Variants in DDIAS observed in about 807,000 individuals in gnomAD.
The protein encoded by DDIAS is DNA damage induced apoptosis suppressor, also known as DNA damage-induced apoptosis suppressor protein.
DDIAS carries 14 observed loss-of-function variants against 15.7 expected under a neutral mutation model. The ratio of observed to expected loss-of-function variants is 0.89; its 90% CI spans 0.59 to 1.39. The LOEUF is 1.39. Among genes scored for constraint, DDIAS ranks in the 40% most tolerant of loss-of-function variants. The probability of loss-of-function intolerance (pLI) is 0.00; values close to 1 mark genes in which losing one functional copy is unlikely to be tolerated. For missense variants in DDIAS, 1,035 were observed against 1,130.9 expected (o/e 0.92, Z 1.22); for synonymous variants, 355 against 395.9 (o/e 0.90, Z 1.23).
At chr11:82,928,103 T>C (rs112716088) in intron 3 of DDIAS, among the ~76,000 whole-genome samples, 1,979 of 151,384 alleles carry the variant, frequency 0.013, 34 homozygotes, top group African/African-American at 0.045. Flanking sequence ...TAATTTTCAT[T>C]ATGGTGAGAA....
chr11:82,921,571 C>CT (rs968751055), intron 3 of DDIAS, among the ~76,000 whole-genome samples: 811 of 78,068 alleles, frequency 0.01, 4 homozygotes, highest in East Asian at 0.012. Flanking sequence ...TTCTTTCTTT[C>CT]TTTTTTTTTT....
At chr11:82,909,137 G>C (rs985824177) in intron 1 of DDIAS, 4 of 152,178 alleles carry the variant, frequency 2.6e-5, no homozygotes, top group African/African-American at 9.7e-5. Flanking sequence ...AGCCCCGAGG[G>C]CTGCTGGCTG....
chr11:82,928,177 C>CT (rs541845327), intron 3 of DDIAS, among the ~76,000 whole-genome samples: 365 of 34,194 alleles, frequency 0.011, 122 homozygotes, highest in Non-Finnish European at 0.016. Flanking sequence ...TTTTTGTCCT[C>CT]TTTTTTTTTT....
chr11:82,902,433 GCTA>G (rs1477908222), intron 1 of DDIAS, among the ~76,000 whole-genome samples: 4 of 141,046 alleles, frequency 2.8e-5, no homozygotes, highest in Admixed American at 1.5e-4. Context: ...TTTCAATCTT[GCTA>G]CCTTCCAGTC....
chr11:82,910,565 C>T (rs1486575911), intron 1 of DDIAS, among the ~76,000 whole-genome samples: 2 of 150,276 alleles, frequency 1.3e-5, no homozygotes, highest in African/African-American at 2.5e-5. Context: ...GCTACCACAC[C>T]CTGCCACAGA....
At chr11:82,902,970 A>C (rs568236922) in intron 1 of DDIAS, among the ~76,000 whole-genome samples, 2 of 152,358 alleles carry the variant, frequency 1.3e-5, no homozygotes, top group South Asian at 4.1e-4. Flanking sequence ...TGGTCTAAGA[A>C]GACCTTTCCA....
chr11:82,929,702 T>C (rs1209091130), intron 4 of DDIAS, among the ~76,000 whole-genome samples: 4 of 96,886 alleles, frequency 4.1e-5, no homozygotes, highest in Non-Finnish European at 8.8e-5. Flanking sequence ...AGACTCTGTC[T>C]CAAAAAAAAA....
chr11:82,907,296 T>C (rs534398880), intron 1 of DDIAS, among the ~76,000 whole-genome samples: 110 of 152,198 alleles, frequency 7.2e-4, no homozygotes, highest in Middle Eastern at 3.4e-3. Flanking sequence ...GTTAAGAGAA[T>C]AGGCATTAGG....
chr11:82,913,789 T>C (rs1241585082), intron 2 of DDIAS: 1 of 401,748 alleles, frequency 2.5e-6, no homozygotes, highest in East Asian at 7.4e-5. Context: ...CTGAAATGTT[T>C]GGGTCCAGAA....
rs1359042060 is a variant in DDIAS, at chr11:82,933,313, A to G, written c.1975A>G (p.Asn659Asp). Residue 659 changes from asparagine to aspartate, a missense_variant, in exon 6 of 6, where the codon AAC (asparagine) becomes GAC (aspartate). Coordinates refer to ENST00000533655, the MANE Select transcript of DDIAS (RefSeq NM_145018.4). The part of the protein sequence containing the change: ...LKEMPWGHIN[N>D]NVTQSYSIGY... ...AGAAATGCCTTGGGGACATATCAAT[A>G]ACAACGTAACACAGAGCTATTCTAT... 5 of 1,613,966 alleles carry G rather than the reference A, an allele frequency of 3.1e-6. No individual in the cohort carries two copies.
intron 1 of DDIAS, among the ~76,000 whole-genome samples, chr11:82,905,946 G>A (rs941965521): frequency 3.3e-5 from 5 of 152,124 alleles, no homozygotes; most frequent in Non-Finnish European, 5.9e-5. Flanking sequence ...TTGTTCCCAA[G>A]TGTATCATCA....
At position 82,930,273 on chromosome 11, in the gene DDIAS, C is replaced by A; in HGVS notation, c.392C>A (p.Thr131Lys). The A allele has an allele frequency of 6.6e-7, 1 of 1,522,384 alleles. No individual in the cohort carries two copies. The highest frequency in any genetic ancestry group is 9.0e-7 in the Non-Finnish European group (1 of 1,108,062). The allele number at this position is 1,522,384 out of a possible 1,614,324, so 94.3% of individuals were successfully genotyped here. ...GGACAAAGCTTTATTTTTGGAGTGA[C>A]GGTAATTGAGACTAGCTTTCTTTTT... ...FVGQSFIFGVTNFENQPGQGS... is the reference protein window; with the variant it reads ...FVGQSFIFGVKNFENQPGQGS... The change falls in exon 5 of 6, where the codon ACG becomes AAG. Residue 131 changes from threonine to lysine, a missense_variant and splice_region_variant. Physicochemically the swap from Thr to Lys is moderately conservative, Grantham distance 78 (BLOSUM62 -1). Transcript: ENST00000533655.
At position 82,932,195 on chromosome 11, in the gene DDIAS, G is replaced by T. The variant is rs1861005510; in HGVS notation, c.857G>T (p.Ser286Ile). 6.2e-7 allele frequency: 1 copy of T among 1,614,160 alleles called. No homozygotes were observed. The highest frequency in any genetic ancestry group is 2.2e-5 in the East Asian group (1 of 44,882). Residue 286 changes from serine to isoleucine, a missense_variant, in exon 6 of 6, where the codon AGT (serine) becomes ATT (isoleucine). Coordinates refer to ENST00000533655, the MANE Select transcript of DDIAS (RefSeq NM_145018.4). ...SISIAEATGS[S>I]SCHDPIQDSW... ...TCCATTGCAGAGGCCACTGGTTCCA[G>T]TAGCTGCCATGATCCCATTCAGGAT... is the stretch of plus-strand genomic sequence containing the variant.
chr11:82,932,121 A>G lies in DDIAS; in HGVS notation c.783A>G (p.Ser261=), dbSNP rs760885476. 10 of 1,614,086 alleles carry G rather than the reference A, an allele frequency of 6.2e-6. No individual in the cohort carries two copies. Among genetic ancestry groups the G allele is most frequent in the Non-Finnish European group, 8.5e-6 (10 of 1,180,034 alleles). ...QLTDNDDFSA[S]EQSKAFGTLQ... is the part of the protein sequence containing the mutation. Reference sequence around the variant, plus strand: ...CAGATAATGATGATTTTTCAGCTTCAGAACAAAGTAAGGCCTTTGGTACTC... The same window carrying G: ...CAGATAATGATGATTTTTCAGCTTCGGAACAAAGTAAGGCCTTTGGTACTC... The change falls in exon 6 of 6, where the codon TCA becomes TCG. Residue 261 remains serine, a synonymous_variant. Coordinates refer to ENST00000533655, the MANE Select transcript of DDIAS (RefSeq NM_145018.4).
intron 3 of DDIAS, among the ~76,000 whole-genome samples, chr11:82,915,571 C>T (rs1860615548): frequency 1.3e-5 from 2 of 152,214 alleles, no homozygotes; most frequent in Admixed American, 1.3e-4. Context: ...TATCTAGACT[C>T]TAAGTAATCC....
intron 1 of DDIAS, among the ~76,000 whole-genome samples, chr11:82,909,632 T>C (rs999226766): frequency 5.3e-5 from 8 of 152,220 alleles, no homozygotes; most frequent in South Asian, 2.1e-4. Context: ...GCACTTACAA[T>C]GGCAATTTTC....
chr11:82,926,838 T>G (rs2121356605), intron 3 of DDIAS, among the ~76,000 whole-genome samples: 1 of 152,312 alleles, frequency 6.6e-6, no homozygotes, highest in African/African-American at 2.4e-5. Flanking sequence ...TAAATAAATA[T>G]CTTCATTATA....
chr11:82,932,922 T>C lies in DDIAS; in HGVS notation c.1584T>C (p.Asp528=), dbSNP rs775157751. Residue 528 remains aspartate, a synonymous_variant, in exon 6 of 6, where the codon GAT becomes GAC. Transcript: ENST00000533655. The part of the protein sequence containing the change: ...EAVSVNHNGR[D]MSEYFLPNPY... ...TCTCTGTAAATCATAATGGAAGAGATATGTCAGAATATTTTTTACCGAATC... is the reference window on the plus strand; with the variant it reads ...TCTCTGTAAATCATAATGGAAGAGACATGTCAGAATATTTTTTACCGAATC... 4 of 1,612,028 alleles carry C rather than the reference T, an allele frequency of 2.5e-6. No individual in the cohort carries two copies. In the Admixed American group the frequency reaches 6.7e-5, roughly 27 times the overall value.
chr11:82,920,196 C>A (rs1860716175), intron 3 of DDIAS, among the ~76,000 whole-genome samples: 1 of 151,906 alleles, frequency 6.6e-6, no homozygotes, highest in Admixed American at 6.6e-5. Flanking sequence ...CTTGAATGAT[C>A]TTTTGTGTCT....
Sources: gnomAD v4.1 joint callset for allele counts (sites outside exome capture counted in the v4.1 genomes callset) on GRCh38, gnomAD v4.1.1 for gene constraint, MANE v1.5 for transcripts, NCBI Gene and HGNC (gene_info 2026-07-23, HGNC 2026-07-21) for gene names.